The following KIRREL1 variants were observed in gnomAD, a reference collection of about 807,000 sequenced individuals.
KIRREL1 encodes the protein kin of IRRE-like protein 1.
Under a neutral mutation model 83.3 loss-of-function variants are expected in KIRREL1, and 25 were observed. The ratio of observed to expected loss-of-function variants is 0.30; its 90% CI spans 0.22 to 0.42. The LOEUF is 0.42. KIRREL1 is among the 10% of genes least tolerant of loss of function. The pLI is 1.00. For synonymous variants in KIRREL1, 388 were observed against 410.4 expected (o/e 0.95, Z 0.66); for missense variants, 812 against 1,032.3 (o/e 0.79, Z 2.92).
intron 1 of KIRREL1, among the ~76,000 whole-genome samples, chr1:158,010,536 T>C (rs528179037): frequency 3.7e-4 from 56 of 151,594 alleles, no homozygotes; most frequent in Non-Finnish European, 5.9e-4. Context: ...GTATGCATGT[T>C]GATAAGAGTT....
At chr1:158,015,731 A>T (rs1028991354) in intron 1 of KIRREL1, among the ~76,000 whole-genome samples, 79 of 152,112 alleles carry the variant, frequency 5.2e-4, no homozygotes, top group African/African-American at 1.9e-3. Flanking sequence ...ACTGCTTGGA[A>T]GCTCAGAGCT....
chr1:158,082,639 G>C (rs1661897203), intron 3 of KIRREL1, among the ~76,000 whole-genome samples: 1 of 152,056 alleles, frequency 6.6e-6, no homozygotes. Flanking sequence ...ACCCTCCTCT[G>C]GGTCTTTCTT....
chr1:158,072,974 G>C (rs1331953013), intron 1 of KIRREL1, among the ~76,000 whole-genome samples: 1 of 152,162 alleles, frequency 6.6e-6, no homozygotes, highest in East Asian at 1.9e-4. Flanking sequence ...TAAAAACCCA[G>C]GACAAGTGGC....
intron 1 of KIRREL1, among the ~76,000 whole-genome samples, chr1:157,995,275 C>G (rs1315031301): frequency 1.3e-5 from 2 of 152,186 alleles, no homozygotes; most frequent in African/African-American, 4.8e-5. Context: ...GGCACCCATG[C>G]CAGCCCCCCA....
intron 1 of KIRREL1, among the ~76,000 whole-genome samples, chr1:158,024,755 G>C (rs1366323996): frequency 2.0e-5 from 3 of 152,170 alleles, no homozygotes; most frequent in Admixed American, 6.5e-5. Context: ...TGTTTTCCCT[G>C]TGTCCCTTCC....
At chr1:158,085,795 C>A (rs1322587036) in intron 4 of KIRREL1, among the ~76,000 whole-genome samples, 2 of 152,156 alleles carry the variant, frequency 1.3e-5, no homozygotes, top group African/African-American at 4.8e-5. Flanking sequence ...ATTTAGGGAC[C>A]CCTGGCTGTC....
chr1:158,055,888 G>A (rs1278305317), intron 1 of KIRREL1, among the ~76,000 whole-genome samples: 1 of 152,206 alleles, frequency 6.6e-6, no homozygotes, highest in African/African-American at 2.4e-5. Flanking sequence ...GAAGGCCTGG[G>A]GTTGTGGTCC....
At chr1:158,077,482 A>G (rs1661712504) in intron 2 of KIRREL1, among the ~76,000 whole-genome samples, 1 of 152,172 alleles carries the variant, frequency 6.6e-6, no homozygotes, top group Non-Finnish European at 1.5e-5. Flanking sequence ...GCAGGAAACC[A>G]GGACTCTTTG....
intron 1 of KIRREL1, among the ~76,000 whole-genome samples, chr1:158,016,223 G>A (rs2101645096): frequency 6.6e-6 from 1 of 152,018 alleles, no homozygotes; most frequent in South Asian, 2.1e-4. Context: ...AGAATGTTGT[G>A]AACCCTGTAG....
intron 1 of KIRREL1, among the ~76,000 whole-genome samples, chr1:158,075,347 G>A (rs1307178201): frequency 6.6e-6 from 1 of 152,232 alleles, no homozygotes; most frequent in African/African-American, 2.4e-5. Context: ...AAAGTCACGT[G>A]GCCTCTCAGC....
chr1:157,998,392 T>C (rs1277524221), intron 1 of KIRREL1, among the ~76,000 whole-genome samples: 1 of 152,244 alleles, frequency 6.6e-6, no homozygotes, highest in Non-Finnish European at 1.5e-5. Flanking sequence ...AAAACAATCC[T>C]TTATTCTGAG....
intron 1 of KIRREL1, among the ~76,000 whole-genome samples, chr1:158,051,422 G>T (rs1660906903): frequency 6.6e-6 from 1 of 152,112 alleles, no homozygotes; most frequent in Non-Finnish European, 1.5e-5. Flanking sequence ...GACAGAAGTG[G>T]CATTATTGAA....
intron 1 of KIRREL1, among the ~76,000 whole-genome samples, chr1:158,068,289 C>G (rs1661410718): frequency 2.0e-5 from 3 of 152,150 alleles, no homozygotes; most frequent in Admixed American, 2.0e-4. Context: ...GTCTGATGTC[C>G]ATATCACCTG....
At position 158,094,678 on chromosome 1, in the gene KIRREL1, A is replaced by T; in HGVS notation, c.1832A>T (p.His611Leu). ...PTNGYYNVRA[H>L]EDRPSSRAVL... ...AATGGCTACTACAACGTGCGTGCCC[A>T]TGAAGACCGCCCGTCTTCCAGGGCA... The change falls in exon 15 of 15, where the codon CAT (histidine) becomes CTT (leucine). Residue 611 changes from histidine to leucine, a missense_variant. His to Leu is a moderately conservative substitution (Grantham distance 99, BLOSUM62 -3). This residue lies in a region of KIRREL1 where 334 missense variants were observed against 383.7 expected (regional missense o/e 0.87). Coordinates refer to ENST00000359209, the MANE Select transcript of KIRREL1 (RefSeq NM_018240.7). This position sits in a 1 kb window ranked among gnomAD's most constrained non-coding sequence, Gnocchi z 4.6. 6.2e-7 allele frequency: 1 copy of T among 1,609,076 alleles called. No individual in the cohort carries two copies. The highest frequency in any genetic ancestry group is 8.5e-7 in the Non-Finnish European group (1 of 1,179,434).
chr1:158,044,058 T>A (rs4620538), intron 1 of KIRREL1, among the ~76,000 whole-genome samples: 144,270 of 152,240 alleles, frequency 0.95, 68,568 homozygotes, highest in East Asian at 1. Context: ...TCATTCATTC[T>A]TTTAGATGTG....
chr1:158,093,250 T>G (rs1470770056), intron 11 of KIRREL1, 89 bp from the exon 12 acceptor site: 4 of 1,066,630 alleles, frequency 3.8e-6, no homozygotes, highest in East Asian at 4.7e-5. Context: ...GTTGCCTCTG[T>G]GGCTGTGGCC....
Position 158,097,157 on chromosome 1 carries a change from T to C in KIRREL1, c.*2037T>C, listed in dbSNP as rs555356310. ...TATTCCATCCCTGGAAGCTGATACC[T>C]TTCTATAGAGTCCTTTTATGAGAGC... On this transcript the variant is annotated 3_prime_UTR_variant, in exon 15 of 15. Transcript: ENST00000359209. 2.3e-6 allele frequency: 1 copy of C among 439,824 alleles called. No individual in the cohort carries two copies. Among genetic ancestry groups the C allele is most frequent in the East Asian group, 7.0e-5 (1 of 14,280 alleles). 27.2% of individuals were successfully genotyped at this position (439,824 alleles called of 1,614,324 possible).
At chr1:158,047,593 T>TTATCA (rs1429075249) in intron 1 of KIRREL1, among the ~76,000 whole-genome samples, 1 of 152,136 alleles carries the variant, frequency 6.6e-6, no homozygotes, top group Non-Finnish European at 1.5e-5. Context: ...GGGCGGTGCT[T>TTATCA]TATCATTTAC....
rs934459958 is a variant in KIRREL1, at chr1:158,097,964, T to C, written c.*2844T>C. 4 of 152,076 alleles carry C rather than the reference T, an allele frequency of 2.6e-5. No homozygotes were observed. Among genetic ancestry groups the C allele is most frequent in the African/African-American group, 9.7e-5 (4 of 41,410 alleles). 9.4% of individuals were successfully genotyped at this position (152,076 alleles called of 1,614,324 possible). Reference sequence around the variant, plus strand: ...GCATAAACCTAAAACTATTCTGGTTTTGTTATACCCATAGGGTTGGGGGTA... The same window carrying C: ...GCATAAACCTAAAACTATTCTGGTTCTGTTATACCCATAGGGTTGGGGGTA... On this transcript the variant is annotated 3_prime_UTR_variant, in exon 15 of 15. Transcript: ENST00000359209.
Sources: allele counts gnomAD v4.1 joint callset (sites outside exome capture counted in the v4.1 genomes callset), GRCh38; gene constraint gnomAD v4.1.1; regional missense constraint gnomAD v4.1.1; non-coding constraint Gnocchi (gnomAD v3.1); transcripts MANE v1.5; gene names NCBI Gene and HGNC (gene_info 2026-07-23, HGNC 2026-07-21).